The following SCHIP1 variants were observed in gnomAD, a reference collection of about 807,000 sequenced individuals.
The protein encoded by SCHIP1 is schwannomin-interacting protein 1.
A neutral mutation model predicts 29.7 loss-of-function variants in SCHIP1; 8 were observed. That is an observed-to-expected ratio of 0.27 (90% CI 0.16 to 0.49). The LOEUF is 0.49. Ranked by LOEUF, SCHIP1 falls within the 20% of genes least tolerant of loss-of-function variation. The pLI is 0.99. For synonymous variants in SCHIP1, 76 were observed against 94.9 expected (o/e 0.80, Z 1.16); for missense variants, 193 against 294.6 (o/e 0.66, Z 2.52).
the SCHIP1 span, among the ~76,000 whole-genome samples, chr3:159,511,542 C>T: frequency 6.6e-6 from 1 of 152,182 alleles, no homozygotes; most frequent in African/African-American, 2.4e-5. Context: ...GCAGAAATCA[C>T]CCATCTTCTG....
chr3:159,439,252 A>G, the SCHIP1 span, among the ~76,000 whole-genome samples: 6 of 152,168 alleles, frequency 3.9e-5, no homozygotes, highest in Non-Finnish European at 5.9e-5. Flanking sequence ...CTGAGACTGT[A>G]TAATTTATAA....
the SCHIP1 span, among the ~76,000 whole-genome samples, chr3:159,521,754 G>A: frequency 6.6e-6 from 1 of 152,116 alleles, no homozygotes; most frequent in Admixed American, 6.5e-5. Flanking sequence ...CCCTGAGTTG[G>A]TGAGTCATAT....
chr3:159,432,285 G>GGT, the SCHIP1 span, among the ~76,000 whole-genome samples: 2 of 114,188 alleles, frequency 1.8e-5, no homozygotes, highest in Non-Finnish European at 3.5e-5. Flanking sequence ...CAGAGTAGGT[G>GGT]ATGTGTGTGT....
chr3:159,642,160 T>C, the SCHIP1 span, among the ~76,000 whole-genome samples: 3 of 152,118 alleles, frequency 2.0e-5, no homozygotes, highest in African/African-American at 7.2e-5. Flanking sequence ...TTAGGAGGAT[T>C]AATGAGATAA....
At chr3:159,376,234 G>A in the SCHIP1 span, among the ~76,000 whole-genome samples, 1 of 152,152 alleles carries the variant, frequency 6.6e-6, no homozygotes, top group Admixed American at 6.5e-5. Flanking sequence ...AAAGGAAGCA[G>A]TATTCTACCA....
chr3:159,488,160 A>T, the SCHIP1 span, among the ~76,000 whole-genome samples: 3 of 152,116 alleles, frequency 2.0e-5, no homozygotes, highest in Non-Finnish European at 4.4e-5. Context: ...GAAATCAGAG[A>T]GTAGAATGAT....
chr3:159,766,226 C>T, the SCHIP1 span, among the ~76,000 whole-genome samples: 1 of 152,092 alleles, frequency 6.6e-6, no homozygotes, highest in Non-Finnish European at 1.5e-5. Context: ...TTTTGCGACA[C>T]CAGGACCCCG....
the SCHIP1 span, among the ~76,000 whole-genome samples, chr3:159,655,642 C>T: frequency 6.6e-6 from 1 of 152,162 alleles, no homozygotes; most frequent in Non-Finnish European, 1.5e-5. Flanking sequence ...GTAATCCCAG[C>T]ACTTTGGGAG....
chr3:159,309,221 C>T, the SCHIP1 span: 1 of 223,826 alleles, frequency 4.5e-6, no homozygotes, highest in Non-Finnish European at 7.5e-6. Flanking sequence ...AATTGTATTA[C>T]ATGACATATA....
rs570677604 is a variant in SCHIP1, at chr3:159,860,664, G to A, written c.31-5499G>A. On this transcript the variant is annotated intron_variant, in intron 1 of 6. Transcript: ENST00000445224. ...GAAACAAATGCATCTGGGAGGAGGG[G>A]AAGCTCAATCCAGGGAAGAACAGAA... Among the ~76,000 whole-genome samples the A allele has an allele frequency of 5.9e-5, 9 of 152,346 alleles. No individual in the cohort carries two copies. The South Asian group carries it at 8.3e-4, about 14-fold the overall frequency.
At chr3:159,792,779 T>C in the SCHIP1 span, among the ~76,000 whole-genome samples, 3 of 152,336 alleles carry the variant, frequency 2.0e-5, no homozygotes, top group African/African-American at 7.2e-5. Context: ...TCATATTTAC[T>C]TACAAGTTGA....
chr3:159,822,979 T>G, the SCHIP1 span, among the ~76,000 whole-genome samples: 1 of 151,874 alleles, frequency 6.6e-6, no homozygotes, highest in Admixed American at 6.6e-5. Context: ...GCCTTCAGGC[T>G]CTGTTAGAGC....
chr3:159,394,325 G>C, the SCHIP1 span, among the ~76,000 whole-genome samples: 2 of 151,870 alleles, frequency 1.3e-5, no homozygotes, highest in African/African-American at 4.8e-5. Context: ...CTGCCTAATT[G>C]CTCTGGCCAG....
At chr3:159,627,579 CCTAAGT>C in the SCHIP1 span, among the ~76,000 whole-genome samples, 459 of 152,254 alleles carry the variant, frequency 3.0e-3, 3 homozygotes, top group African/African-American at 0.011. Context: ...AGGATTTGCA[CCTAAGT>C]CTATCTGGCA....
chr3:159,632,963 G>A, the SCHIP1 span, among the ~76,000 whole-genome samples: 19 of 152,156 alleles, frequency 1.2e-4, no homozygotes, highest in Admixed American at 1.2e-3. Context: ...GTATCAGAAG[G>A]TTGACTCTAG....
the SCHIP1 span, among the ~76,000 whole-genome samples, chr3:159,487,887 A>T: frequency 1.3e-5 from 2 of 152,214 alleles, no homozygotes; most frequent in Non-Finnish European, 2.9e-5. Context: ...TAAATTACAG[A>T]TGCTATTTAT....
the SCHIP1 span, among the ~76,000 whole-genome samples, chr3:159,816,126 T>C: frequency 6.6e-6 from 1 of 151,934 alleles, no homozygotes; most frequent in Non-Finnish European, 1.5e-5. Flanking sequence ...TTTTTGTACT[T>C]TTAGTAGAGA....
chr3:159,479,304 A>T, the SCHIP1 span, among the ~76,000 whole-genome samples: 1 of 152,112 alleles, frequency 6.6e-6, no homozygotes, highest in Non-Finnish European at 1.5e-5. Context: ...TCAGAAAAAA[A>T]CTTCAAACAT....
chr3:159,850,820 T>G (rs1443820042), intron 1 of SCHIP1, among the ~76,000 whole-genome samples: 2 of 152,138 alleles, frequency 1.3e-5, no homozygotes, highest in Non-Finnish European at 2.9e-5. Context: ...GGGATGGTGC[T>G]AAACCATTAG....
Sources: allele counts gnomAD v4.1 joint callset (sites outside exome capture counted in the v4.1 genomes callset), GRCh38; gene constraint gnomAD v4.1.1; transcripts MANE v1.5; gene names NCBI Gene and HGNC (gene_info 2026-07-23, HGNC 2026-07-21).